The following IL16 variants were observed in gnomAD, a reference collection of about 807,000 sequenced individuals.
IL16 encodes pro-interleukin-16.
Under a neutral mutation model 110.1 loss-of-function variants are expected in IL16, and 67 were observed. That is an observed-to-expected ratio of 0.61 (90% confidence interval 0.50 to 0.75). IL16 has a LOEUF of 0.75. IL16 is among the 30% of genes least tolerant of loss of function. The pLI, the probability that IL16 is intolerant of heterozygous loss-of-function variation, is 0.00. For missense variants in IL16, 1,545 were observed against 1,655.0 expected (o/e 0.93, Z 1.15); for synonymous variants, 689 against 662.9 (o/e 1.04, Z -0.61).
chr15:81,190,090 G>GA (rs1256022460), intron 1 of IL16, among the ~76,000 whole-genome samples: 2 of 152,194 alleles, frequency 1.3e-5, no homozygotes, highest in Non-Finnish European at 2.9e-5. Flanking sequence ...GTGACAGCCA[G>GA]AAAAGACGAG....
At chr15:81,193,263 T>A (rs2141926315), upstream of IL16, among the ~76,000 whole-genome samples, 2 of 152,220 alleles carry the variant, frequency 1.3e-5, 1 homozygote, top group South Asian at 4.1e-4. Context: ...AACATTTTAT[T>A]AGGGGGGGAA....
chr15:81,313,208 GCTCCT>G lies in IL16; in HGVS notation c.*4412_*4416del. Reference sequence around the variant, plus strand: ...GCTCCTTGGTGTCCCAACAGCTGGAGCTCCTCGATGAGTCACGGGAGTTCTTTGCC... The same window carrying G: ...GCTCCTTGGTGTCCCAACAGCTGGAGCGATGAGTCACGGGAGTTCTTTGCC... On this transcript the variant is annotated 3_prime_UTR_variant, in exon 19 of 19. Coordinates refer to ENST00000683961, the MANE Select transcript of IL16 (RefSeq NM_172217.5). The G allele has an allele frequency of 6.8e-7, 1 of 1,473,422 alleles. No individual in the cohort carries two copies. The highest frequency in any genetic ancestry group is 2.6e-5 in the East Asian group (1 of 37,852). The allele number at this position is 1,473,422 out of a possible 1,614,324, so 91.3% of individuals were successfully genotyped here.
At chr15:81,184,710 A>T (rs1895393583) in intron 1 of IL16, among the ~76,000 whole-genome samples, 1 of 152,240 alleles carries the variant, frequency 6.6e-6, no homozygotes, top group Non-Finnish European at 1.5e-5. Context: ...TTAGGCTGTT[A>T]GAAGATTGGG....
At chr15:81,211,948 G>T (rs374674003) in intron 1 of IL16, among the ~76,000 whole-genome samples, 3 of 152,162 alleles carry the variant, frequency 2.0e-5, no homozygotes, top group African/African-American at 7.2e-5. Context: ...AGGAATATTG[G>T]AGTGGGGTTT....
At chr15:81,270,462 G>A (rs1898582854) in intron 5 of IL16, among the ~76,000 whole-genome samples, 1 of 151,756 alleles carries the variant, frequency 6.6e-6, no homozygotes, top group South Asian at 2.1e-4. Flanking sequence ...TACACCTCAA[G>A]TCCTCTTTCC....
chr15:81,206,556 C>T (rs1896024484), intron 1 of IL16, among the ~76,000 whole-genome samples: 1 of 152,132 alleles, frequency 6.6e-6, no homozygotes, highest in Non-Finnish European at 1.5e-5. Flanking sequence ...CACTTAGTCA[C>T]ATCACATACT....
At chr15:81,258,171 C>T (rs142499612) in intron 2 of IL16, among the ~76,000 whole-genome samples, 1 of 152,090 alleles carries the variant, frequency 6.6e-6, no homozygotes, top group South Asian at 2.1e-4. Context: ...GTAATTAATA[C>T]CATCATCCTC....
chr15:81,313,066 C>T lies in IL16; in HGVS notation c.*4268C>T, dbSNP rs1306369821. 1.8e-6 allele frequency: 1 copy of T among 554,600 alleles called. No individual in the cohort carries two copies. The highest frequency in any genetic ancestry group is 2.0e-5 in the African/African-American group (1 of 50,762). The allele number at this position is 554,600 out of a possible 1,614,324, so 34.4% of individuals were successfully genotyped here. On this transcript the variant is annotated 3_prime_UTR_variant, in exon 19 of 19. Coordinates refer to ENST00000683961, the MANE Select transcript of IL16 (RefSeq NM_172217.5). Reference sequence around the variant, plus strand: ...ACATGAATGGCTCATCACACGCCAACCCTGAGTGGGGCAGGAGGCAGGAAG... The same window carrying T: ...ACATGAATGGCTCATCACACGCCAATCCTGAGTGGGGCAGGAGGCAGGAAG...
In IL16 at chr15:81,299,552, C is replaced by T; in HGVS notation, c.2226C>T (p.Ala742=). The T allele has an allele frequency of 1.2e-6, 2 of 1,614,192 alleles. No individual in the cohort carries two copies. Among genetic ancestry groups the T allele is most frequent in the Non-Finnish European group, 1.7e-6 (2 of 1,180,040 alleles). The part of the protein sequence containing the change: ...NHGHMPLQPN[A]SLNEEEGTQG... ...GCCACATGCCTCTACAGCCCAATGC[C>T]AGCCTGAATGAAGAAGAAGGGACAC... Residue 742 remains alanine (A), a synonymous_variant, in exon 14 of 19, where the codon GCC becomes GCT. Coordinates refer to ENST00000683961, the MANE Select transcript of IL16 (RefSeq NM_172217.5).
intron 1 of IL16, among the ~76,000 whole-genome samples, chr15:81,218,317 A>G (rs1438544907): frequency 6.6e-6 from 1 of 152,202 alleles, no homozygotes; most frequent in Non-Finnish European, 1.5e-5. Context: ...CAAATAAAGA[A>G]GAGTGTAAAA....
intron 16 of IL16, 189 bp from the exon 17 acceptor site, chr15:81,305,719 T>C (rs1900516990): frequency 3.1e-6 from 2 of 645,504 alleles, no homozygotes; most frequent in Non-Finnish European, 5.3e-6. Context: ...GCTGGTGATC[T>C]CTGCTCTGGA....
At chr15:81,196,761 G>C (rs1443180236), upstream of IL16, 1 of 909,994 alleles carries the variant, frequency 1.1e-6, no homozygotes, top group East Asian at 1.0e-4. Context: ...GGTGGACCTT[G>C]TTCTGAGGCT....
At chr15:81,307,959 A>T (rs1345551275) in intron 18 of IL16, among the ~76,000 whole-genome samples, 1 of 152,260 alleles carries the variant, frequency 6.6e-6, no homozygotes, top group Non-Finnish European at 1.5e-5. Context: ...CATTACTATC[A>T]TTAGTATTAT....
In IL16 at chr15:81,293,037, G is replaced by C. The variant is rs748048845; in HGVS notation, c.1902G>C (p.Gln634His). 1 of 1,602,462 alleles carries C rather than the reference G, an allele frequency of 6.2e-7. No homozygotes were observed. The highest frequency in any genetic ancestry group is 8.5e-7 in the Non-Finnish European group (1 of 1,177,502). ...SSGHTPPTCG[Q>H]EARELLPLLL... ...GGCACACCCCACCCACCTGTGGCCAGGTAAGAGGATGGGTCCACAGGTTGA... is the reference window on the plus strand; with the variant it reads ...GGCACACCCCACCCACCTGTGGCCACGTAAGAGGATGGGTCCACAGGTTGA... The change falls in exon 12 of 19, where the codon CAG becomes CAC. Residue 634 changes from glutamine (Q) to histidine (H), a missense_variant and splice_region_variant. Transcript: ENST00000683961.
chr15:81,257,417 A>G (rs1045072358), intron 2 of IL16, among the ~76,000 whole-genome samples: 2 of 152,220 alleles, frequency 1.3e-5, no homozygotes, highest in Admixed American at 1.3e-4. Flanking sequence ...AATAGGGAGA[A>G]ATGCATGTCA....
chr15:81,308,605 G>A lies in IL16; in HGVS notation c.3806G>A (p.Gly1269Glu), dbSNP rs1297264389. The A allele has an allele frequency of 2.5e-6, 4 of 1,595,120 alleles. No individual in the cohort carries two copies. The African/African-American group carries it at 4.1e-5, about 16-fold the overall frequency. ...CCCATTACCTTCTCCCTCATTTCAG[G>A]AGCAGCCTCAGAACAAAGTGAGACA... ...KPLTINRIFK[G>E]AASEQSETVQ... is the part of the protein sequence containing the mutation. The change falls in exon 19 of 19, where the codon GGA (glycine) becomes GAA (glutamate). Residue 1269 changes from glycine (G) to glutamate (E), a missense_variant and splice_region_variant. This residue lies in a region of IL16 where 356 missense variants were observed against 399.3 expected (regional missense o/e 0.89). Coordinates refer to ENST00000683961, the MANE Select transcript of IL16 (RefSeq NM_172217.5).
chr15:81,254,107 G>T (rs559599064), intron 2 of IL16, among the ~76,000 whole-genome samples: 1 of 152,318 alleles, frequency 6.6e-6, no homozygotes, highest in East Asian at 1.9e-4. Context: ...CTATTTTGTG[G>T]TTCTCTTAGA....
intron 12 of IL16, among the ~76,000 whole-genome samples, 179 bp downstream of exon 12, chr15:81,293,216 T>A (rs1345315446): frequency 6.6e-6 from 1 of 152,226 alleles, no homozygotes; most frequent in African/African-American, 2.4e-5. Flanking sequence ...GTTTGAAGGT[T>A]GACAGATAAT....
intron 5 of IL16, among the ~76,000 whole-genome samples, chr15:81,270,546 G>C (rs1327280607): frequency 6.6e-6 from 1 of 152,156 alleles, no homozygotes; most frequent in Non-Finnish European, 1.5e-5. Context: ...GAGAGATGCT[G>C]GGACGAATGC....
Sources: gnomAD v4.1 joint callset for allele counts (sites outside exome capture counted in the v4.1 genomes callset) on GRCh38, gnomAD v4.1.1 for gene constraint, gnomAD v4.1.1 regional missense constraint, MANE v1.5 for transcripts, NCBI Gene and HGNC (gene_info 2026-07-23, HGNC 2026-07-21) for gene names.